NAV2: variants seen among roughly 807,000 people sequenced by gnomAD.
NAV2 encodes the protein helicase, APC down-regulated 1.
Under a neutral mutation model 223.2 loss-of-function variants are expected in NAV2, and 54 were observed. The ratio of observed to expected loss-of-function variants is 0.24; its 90% confidence interval spans 0.19 to 0.30. NAV2 has a LOEUF of 0.30. Ranked by LOEUF, NAV2 falls within the 10% of genes least tolerant of loss-of-function variation. The probability of loss-of-function intolerance (pLI) is 1.00; values close to 1 mark genes in which losing one functional copy is unlikely to be tolerated. For synonymous variants in NAV2, 1,279 were observed against 1,239.3 expected, an observed-to-expected ratio of 1.03 and a Z score of -0.67; for missense variants, 2,806 against 3,147.5, an observed-to-expected ratio of 0.89 and a Z score of 2.60.
Position 19,554,943 on chromosome 11 carries a change from GA to G in NAV2, c.75+203926del, listed in dbSNP as rs556440929. Among the ~76,000 whole-genome samples, 684 of 117,940 alleles carry G rather than the reference GA, an allele frequency of 5.8e-3. 4 individuals are homozygous for G. The highest frequency in any genetic ancestry group is 0.024 in the African/African-American group (648 of 27,204). 77.4% of individuals were successfully genotyped at this position (117,940 alleles called of 152,430 possible). On this transcript the variant is annotated intron_variant, in intron 1 of 37. Coordinates refer to the NAV2 transcript ENST00000360655. ...GCCTGGGCAACAAGAGCGAAACTCC[GA>G]AAAAAAAAATTAAAGATAAATAAAT...
upstream of NAV2, chr11:19,711,006 G>A (rs1049572497): frequency 1.3e-5 from 2 of 152,190 alleles, no homozygotes; most frequent in African/African-American, 2.4e-5. Context: ...GTTAAATAAT[G>A]GGAGACAATA....
chr11:19,629,858 C>T (rs1344989586), intron 1 of NAV2, among the ~76,000 whole-genome samples: 1 of 152,212 alleles, frequency 6.6e-6, no homozygotes, highest in African/African-American at 2.4e-5. Flanking sequence ...GCCGCATCAA[C>T]CCTCCAGCTC....
At chr11:19,768,980 T>A (rs2152569679) in intron 1 of NAV2, among the ~76,000 whole-genome samples, 2 of 152,342 alleles carry the variant, frequency 1.3e-5, no homozygotes, top group South Asian at 4.2e-4. Flanking sequence ...TAAGGCCTAG[T>A]GTGAACCTCT....
chr11:19,984,322 T>G, intron 11 of NAV2, 75 bp downstream of exon 11: 1 of 1,602,252 alleles, frequency 6.2e-7, no homozygotes. Context: ...AGGGTTATGA[T>G]ATTGGGAGAG....
At chr11:19,799,311 G>A (rs938349137) in intron 1 of NAV2, among the ~76,000 whole-genome samples, 1 of 152,184 alleles carries the variant, frequency 6.6e-6, no homozygotes, top group African/African-American at 2.4e-5. Context: ...GAAAGGTAAG[G>A]AAGAGTGAGG....
intron 1 of NAV2, among the ~76,000 whole-genome samples, chr11:19,450,038 C>A (rs1851737382): frequency 6.6e-6 from 1 of 152,142 alleles, no homozygotes. Context: ...CCACTGGGAC[C>A]TCATTTTAAA....
At chr11:19,922,996 G>A (rs1302470793) in intron 6 of NAV2, among the ~76,000 whole-genome samples, 1 of 152,112 alleles carries the variant, frequency 6.6e-6, no homozygotes, top group Non-Finnish European at 1.5e-5. Context: ...CTATTTTCAT[G>A]TAGCTTTTGA....
chr11:19,348,324 C>CT (rs1199968397), upstream of NAV2, among the ~76,000 whole-genome samples: 4 of 151,996 alleles, frequency 2.6e-5, no homozygotes, highest in Non-Finnish European at 4.4e-5. Flanking sequence ...TGGCACCGGA[C>CT]TTTTTTTTCT....
intron 1 of NAV2, among the ~76,000 whole-genome samples, chr11:19,572,859 TATTA>T (rs2045464663): frequency 6.6e-6 from 1 of 152,224 alleles, no homozygotes; most frequent in Non-Finnish European, 1.5e-5. Flanking sequence ...CTATTGCTGA[TATTA>T]ATTAGTATAA....
intron 1 of NAV2, among the ~76,000 whole-genome samples, chr11:19,674,004 T>G (rs1590069958): frequency 6.6e-6 from 1 of 152,160 alleles, no homozygotes; most frequent in Admixed American, 6.5e-5. Flanking sequence ...TTTATGGCCA[T>G]GGAGCTAATT....
chr11:19,807,575 C>T (rs2058641294), intron 1 of NAV2, among the ~76,000 whole-genome samples: 1 of 152,244 alleles, frequency 6.6e-6, no homozygotes, highest in Non-Finnish European at 1.5e-5. Flanking sequence ...CTTGGTGCTA[C>T]CACTGAACCA....
chr11:19,691,654 G>A (rs924858152), intron 1 of NAV2, among the ~76,000 whole-genome samples: 1 of 152,088 alleles, frequency 6.6e-6, no homozygotes, highest in Admixed American at 6.6e-5. Flanking sequence ...TGCAAGCTCC[G>A]CCTCTCAGGT....
chr11:19,732,225 C>T (rs937561869), intron 1 of NAV2, among the ~76,000 whole-genome samples: 2 of 151,136 alleles, frequency 1.3e-5, no homozygotes, highest in Non-Finnish European at 2.9e-5. Context: ...TGCCACTGTA[C>T]TCCAGCCTGG....
chr11:19,657,654 T>A (rs1001651273), intron 1 of NAV2, among the ~76,000 whole-genome samples: 4 of 152,174 alleles, frequency 2.6e-5, no homozygotes, highest in Non-Finnish European at 5.9e-5. Context: ...AGACCAGATG[T>A]GGAGGGCCTT....
At chr11:19,851,366 C>T (rs1301117664) in intron 3 of NAV2, among the ~76,000 whole-genome samples, 2 of 152,204 alleles carry the variant, frequency 1.3e-5, no homozygotes, top group African/African-American at 4.8e-5. Flanking sequence ...CCTAGCCCCT[C>T]ATCTAGGCAT....
intron 36 of NAV2, among the ~76,000 whole-genome samples, chr11:20,108,416 CT>C (rs1011660108): frequency 9.2e-5 from 14 of 152,156 alleles, no homozygotes; most frequent in African/African-American, 3.4e-4. Context: ...CCAGTTCCTC[CT>C]GCCTGACAGC....
At chr11:19,887,068 T>C (rs11025316) in intron 5 of NAV2, among the ~76,000 whole-genome samples, 221 of 152,156 alleles carry the variant, frequency 1.5e-3, no homozygotes, top group African/African-American at 5.2e-3. Flanking sequence ...GCAGTAAAGT[T>C]TGGTTGCCAA....
At chr11:19,797,300 G>A (rs943234225) in intron 1 of NAV2, among the ~76,000 whole-genome samples, 1 of 152,118 alleles carries the variant, frequency 6.6e-6, no homozygotes. Context: ...GTGGTTTTAG[G>A]CTCTCAGTAT....
chr11:19,354,796 G>C (rs1385201751), intron 1 of NAV2, among the ~76,000 whole-genome samples: 1 of 152,214 alleles, frequency 6.6e-6, no homozygotes, highest in African/African-American at 2.4e-5. Context: ...CTTCTGAGCA[G>C]AGACCTTAGC....
Sources: gnomAD v4.1 joint callset for allele counts (sites outside exome capture counted in the v4.1 genomes callset) on GRCh38, gnomAD v4.1.1 for gene constraint, MANE v1.5 for transcripts, NCBI Gene and HGNC (gene_info 2026-07-23, HGNC 2026-07-21) for gene names.